IKZF1: variants seen among roughly 807,000 people sequenced by gnomAD.
The protein encoded by IKZF1 is DNA-binding protein Ikaros.
Under a neutral mutation model 51.7 loss-of-function variants are expected in IKZF1, and 10 were observed. That is an observed-to-expected ratio of 0.19 (90% confidence interval 0.12 to 0.33). The LOEUF is 0.33. Among genes scored for constraint, IKZF1 ranks in the 10% least tolerant of loss-of-function variants. The pLI, the probability that IKZF1 is intolerant of heterozygous loss-of-function variation, is 1.00. For missense variants in IKZF1, 484 were observed against 707.5 expected, an observed-to-expected ratio of 0.68 and a Z score of 3.58; for synonymous variants, 280 against 282.3, an observed-to-expected ratio of 0.99 and a Z score of 0.08.
chr7:50,373,825 G>C (rs567331062), intron 3 of IKZF1, among the ~76,000 whole-genome samples: 1 of 152,262 alleles, frequency 6.6e-6, no homozygotes, highest in Admixed American at 6.5e-5. Context: ...GAACTCAATG[G>C]TCATTAAGCA....
At chr7:50,346,324 A>G (rs1384713307) in intron 3 of IKZF1, among the ~76,000 whole-genome samples, 1 of 152,198 alleles carries the variant, frequency 6.6e-6, no homozygotes, top group African/African-American at 2.4e-5. Context: ...GAGGCAGCCC[A>G]CTTACGGAAG....
At chr7:50,331,814 G>C (rs1023157148) in intron 3 of IKZF1, among the ~76,000 whole-genome samples, 2,417 of 152,280 alleles carry the variant, frequency 0.016, 65 homozygotes, top group African/African-American at 0.054. Context: ...CCCTCAGTTG[G>C]CCTCCATTTT....
chr7:50,340,914 T>G (rs1798913140), intron 3 of IKZF1, among the ~76,000 whole-genome samples: 1 of 152,260 alleles, frequency 6.6e-6, no homozygotes, highest in Non-Finnish European at 1.5e-5. Context: ...AGGCTGCATT[T>G]ACTCGCAGTT....
intron 2 of IKZF1, among the ~76,000 whole-genome samples, chr7:50,326,293 T>G (rs1211034356): frequency 6.6e-6 from 1 of 152,240 alleles, no homozygotes; most frequent in Non-Finnish European, 1.5e-5. Flanking sequence ...AAATCTAGGT[T>G]TGTCTATGTG....
intron 3 of IKZF1, among the ~76,000 whole-genome samples, chr7:50,347,629 G>A (rs1443001099): frequency 1.3e-5 from 2 of 152,094 alleles, no homozygotes; most frequent in Non-Finnish European, 2.9e-5. Context: ...AAGTAGCTTT[G>A]TCTGTCCAAT....
intron 3 of IKZF1, among the ~76,000 whole-genome samples, chr7:50,356,702 C>T (rs1312816930): frequency 6.6e-6 from 1 of 152,200 alleles, no homozygotes; most frequent in African/African-American, 2.4e-5. Flanking sequence ...TATCTCGCGG[C>T]GGCTTCCTCT....
At chr7:50,343,977 G>A (rs559285031) in intron 3 of IKZF1, among the ~76,000 whole-genome samples, 1 of 152,270 alleles carries the variant, frequency 6.6e-6, no homozygotes, top group Non-Finnish European at 1.5e-5. Flanking sequence ...GCTTAATTGT[G>A]AAGTCGTGAG....
intron 4 of IKZF1, chr7:50,377,068 A>G: frequency 2.0e-6 from 1 of 493,968 alleles, no homozygotes; most frequent in Non-Finnish European, 3.6e-6. Flanking sequence ...GAGGGCTGCT[A>G]TTATAGTAAC....
intron 7 of IKZF1, among the ~76,000 whole-genome samples, chr7:50,394,708 A>G (rs1816194413): frequency 6.6e-6 from 1 of 151,910 alleles, no homozygotes; most frequent in Non-Finnish European, 1.5e-5. Context: ...CAGAGTGGCT[A>G]TTATAGTTTT....
intron 3 of IKZF1, among the ~76,000 whole-genome samples, chr7:50,349,616 T>G (rs902808583): frequency 6.6e-6 from 1 of 151,692 alleles, no homozygotes. Context: ...AGCAGGGAGG[T>G]CTTCCAGAAG....
chr7:50,366,910 G>C (rs960949799), intron 3 of IKZF1, among the ~76,000 whole-genome samples: 1 of 152,140 alleles, frequency 6.6e-6, no homozygotes, highest in African/African-American at 2.4e-5. Context: ...TGCTACCTCT[G>C]TCTGTTTGAT....
chr7:50,342,780 G>T (rs1412237149), intron 3 of IKZF1, among the ~76,000 whole-genome samples: 1 of 151,992 alleles, frequency 6.6e-6, no homozygotes, highest in African/African-American at 2.4e-5. Flanking sequence ...AATCTGCTCC[G>T]CAGTGTGCAG....
At position 50,402,345 on chromosome 7, in the gene IKZF1, T is replaced by TA. The variant is rs1447562273; in HGVS notation, c.*1719dup. Reference sequence around the variant, plus strand: ...CAGCACTATGACATTTTGGGCTGACTACTTATTTGTTAGGCGGGAGCTCTC... The same window carrying TA: ...CAGCACTATGACATTTTGGGCTGACTAACTTATTTGTTAGGCGGGAGCTCTC... On this transcript the variant is annotated 3_prime_UTR_variant, in exon 8 of 8. Transcript: ENST00000331340. 2 of 230,474 alleles carry TA rather than the reference T, an allele frequency of 8.7e-6. No individual in the cohort carries two copies. The highest frequency in any genetic ancestry group is 1.7e-5 in the Non-Finnish European group (2 of 116,286). 14.3% of individuals were successfully genotyped at this position (230,474 alleles called of 1,614,324 possible).
intron 1 of IKZF1, among the ~76,000 whole-genome samples, chr7:50,305,149 A>G (rs935898678): frequency 6.6e-6 from 1 of 152,202 alleles, no homozygotes; most frequent in Non-Finnish European, 1.5e-5. Context: ...ACTTCTGAGC[A>G]GCCCCGCTGT....
At position 50,376,629 on chromosome 7, in the gene IKZF1, A is replaced by G. The variant is rs2153469199; in HGVS notation, c.257A>G (p.Asp86Gly). Reference sequence around the variant, plus strand: ...TGTGCGGAGGATTTACGAATGCTTGATGCCTCGGGAGAGAAAATGAATGGC... The same window carrying G: ...TGTGCGGAGGATTTACGAATGCTTGGTGCCTCGGGAGAGAAAATGAATGGC... ...EECAEDLRML[D>G]ASGEKMNGSH... Residue 86 changes from aspartate (D) to glycine (G), a missense_variant, in exon 4 of 8, where the codon GAT becomes GGT. By Grantham distance (94) the Asp-to-Gly change is moderately conservative. Transcript: ENST00000331340. This position sits in a 1 kb window ranked among gnomAD's most constrained non-coding sequence, Gnocchi z 4.5. 1.2e-6 allele frequency: 2 copies of G among 1,613,992 alleles called. No homozygotes were observed. Among genetic ancestry groups the G allele is most frequent in the Non-Finnish European group, 1.7e-6 (2 of 1,179,874 alleles).
intron 1 of IKZF1, among the ~76,000 whole-genome samples, chr7:50,316,536 C>T (rs970565428): frequency 6.6e-6 from 1 of 152,224 alleles, no homozygotes; most frequent in African/African-American, 2.4e-5. Context: ...GGAAGGTGCT[C>T]GCTGTGGTGT....
chr7:50,312,104 A>G (rs751030579), intron 1 of IKZF1, among the ~76,000 whole-genome samples: 33 of 152,178 alleles, frequency 2.2e-4, no homozygotes, highest in Non-Finnish European at 3.4e-4. Context: ...GTCCTCTGAA[A>G]TCGGTAAGAG....
rs2153518197 is a variant in IKZF1, at chr7:50,400,127, C to T, written c.1060C>T (p.Leu354Phe). The T allele has an allele frequency of 6.4e-7, 1 of 1,563,036 alleles. No homozygotes were observed. Among genetic ancestry groups the T allele is most frequent in the Non-Finnish European group, 8.7e-7 (1 of 1,155,506 alleles). The change falls in exon 8 of 8, where the codon CTC becomes TTC. Residue 354 changes from leucine (L) to phenylalanine (F), a missense_variant. Around this residue, in one of 6 missense-constraint regions of IKZF1, gnomAD observed 172 missense variants for 192.7 expected, o/e 0.89. Transcript: ENST00000331340. This position sits in a 1 kb window ranked among gnomAD's most constrained non-coding sequence, Gnocchi z 5.4. ...ISPMYQLHKP[L>F]AEGTPRSNHS... ...CCCGATGTACCAGCTGCACAAGCCG[C>T]TCGCGGAGGGCACCCCGCGCTCCAA...
chr7:50,306,221 T>G (rs909479043), intron 1 of IKZF1, among the ~76,000 whole-genome samples: 7 of 152,200 alleles, frequency 4.6e-5, no homozygotes, highest in Non-Finnish European at 5.9e-5. Context: ...TGATGTCACA[T>G]TAAAAATACT....
Sources: allele counts gnomAD v4.1 joint callset (sites outside exome capture counted in the v4.1 genomes callset), GRCh38; gene constraint gnomAD v4.1.1; regional missense constraint gnomAD v4.1.1; non-coding constraint Gnocchi (gnomAD v3.1); transcripts MANE v1.5; gene names NCBI Gene and HGNC (gene_info 2026-07-23, HGNC 2026-07-21).